The following THBS4 variants were observed in gnomAD, a reference collection of about 807,000 sequenced individuals.
THBS4 encodes the protein thrombospondin 4, also known as thrombospondin-4.
A neutral mutation model predicts 115.7 loss-of-function variants in THBS4; 90 were observed. The observed-to-expected ratio is 0.78, with a 90% CI of 0.66 to 0.93. The LOEUF (loss-of-function observed/expected upper bound fraction) is 0.93, where lower values mean the gene tolerates loss of function less well. Ranked by LOEUF, THBS4 falls within the 40% of genes least tolerant of loss-of-function variation. THBS4 has a pLI of 0.00. For synonymous variants in THBS4, 460 were observed against 479.3 expected (o/e 0.96, Z 0.53); for missense variants, 1,087 against 1,232.7 (o/e 0.88, Z 1.77).
chr5:80,054,244 C>A (rs990485700), intron 2 of THBS4, among the ~76,000 whole-genome samples: 1 of 149,934 alleles, frequency 6.7e-6, no homozygotes, highest in Non-Finnish European at 1.5e-5. Context: ...AGCCTCAATC[C>A]CCCAGGCTCA....
At chr5:80,023,239 T>TA (rs1832413146) in intron 2 of THBS4, among the ~76,000 whole-genome samples, 1 of 152,168 alleles carries the variant, frequency 6.6e-6, no homozygotes, top group Non-Finnish European at 1.5e-5. Context: ...TTGAACTCTA[T>TA]TTGTCTCATC....
At chr5:80,010,713 G>A (rs1441600451) in intron 2 of THBS4, among the ~76,000 whole-genome samples, 1 of 152,232 alleles carries the variant, frequency 6.6e-6, no homozygotes, top group African/African-American at 2.4e-5. Context: ...CTGGGAAGAT[G>A]GAAAAGTTAA....
chr5:80,082,981 T>TG, intron 21 of THBS4, 99 bp from the exon 22 acceptor site: 1 of 1,063,722 alleles, frequency 9.4e-7, no homozygotes, highest in Non-Finnish European at 1.4e-6. Flanking sequence ...CTGGGCGGGC[T>TG]AACAGCGCCC....
rs184138255 is a variant in THBS4, at chr5:80,066,019, C to T, written c.1194+542C>T. 5.0e-3 allele frequency among the ~76,000 whole-genome samples: 748 copies of T among 149,982 alleles called. 8 individuals carry two copies. The highest frequency in any genetic ancestry group is 0.018 in the African/African-American group (715 of 40,648). ...CTGAAGCAGGAGAATGACATGAACC[C>T]GGCAGGCGGAGCTTGCAGTGAGCCG... On this transcript the variant is annotated intron_variant, in intron 9 of 21. Transcript: ENST00000350881.
At chr5:80,081,639 A>G (rs1743511296) in intron 20 of THBS4, among the ~76,000 whole-genome samples, 1 of 152,186 alleles carries the variant, frequency 6.6e-6, no homozygotes, top group African/African-American at 2.4e-5. Flanking sequence ...TAGAATGTTA[A>G]TTTTCAAACA....
chr5:80,008,979 A>G (rs1158822073), intron 2 of THBS4, among the ~76,000 whole-genome samples: 2 of 152,248 alleles, frequency 1.3e-5, no homozygotes, highest in African/African-American at 4.8e-5. Context: ...TTATTTTAAA[A>G]TATCATGGGA....
chr5:80,001,741 C>T (rs186208406), intron 2 of THBS4, among the ~76,000 whole-genome samples: 1 of 152,130 alleles, frequency 6.6e-6, no homozygotes, highest in East Asian at 1.9e-4. Flanking sequence ...GTAAAGTGAG[C>T]GGTAGATAAT....
Position 80,036,106 on chromosome 5 carries a change from C to T in THBS4, c.88+481C>T, listed in dbSNP as rs372206815. The T allele has an allele frequency of 2.5e-5, 25 of 986,586 alleles. No homozygotes were observed. The East Asian group carries it at 1.1e-3, about 45-fold the overall frequency. The allele number at this position is 986,586 out of a possible 1,614,324, so 61.1% of individuals were successfully genotyped here. ...CTACTTGCCCTGCCACCTGCATTTT[C>T]TGCTCTGACTTTGCTTGAACGACAA... is the stretch of plus-strand genomic sequence containing the variant. On this transcript the variant is annotated intron_variant, in intron 1 of 21. Coordinates refer to ENST00000350881, the MANE Select transcript of THBS4 (RefSeq NM_003248.6).
intron 2 of THBS4, chr5:80,052,891 A>G (rs2112075092): frequency 6.6e-6 from 1 of 152,374 alleles, no homozygotes; most frequent in South Asian, 2.1e-4. Flanking sequence ...TACACTCTAC[A>G]GAAAAGGTAC....
rs750750542 is a variant in THBS4 at position 80,059,652 on chromosome 5, T to C, written c.785-51T>C. ...GGAAACCAAATTTTGTTTTGCCTTCTGTATATCTTCCTGGCGGTGAATACG... is the reference window on the plus strand; with the variant it reads ...GGAAACCAAATTTTGTTTTGCCTTCCGTATATCTTCCTGGCGGTGAATACG... On this transcript the variant is annotated intron_variant, in intron 6 of 21. Coordinates refer to ENST00000350881, the MANE Select transcript of THBS4 (RefSeq NM_003248.6). 5 of 1,606,246 alleles carry C rather than the reference T, an allele frequency of 3.1e-6. No homozygotes were observed. In the South Asian group the frequency reaches 4.4e-5, roughly 14 times the overall value.
intron 10 of THBS4, 128 bp from the exon 11 acceptor site, chr5:80,070,178 C>T: frequency 1.5e-6 from 1 of 672,630 alleles, no homozygotes; most frequent in Non-Finnish European, 2.5e-6. Context: ...CTAAGCCCCA[C>T]CCAACAAGGC....
chr5:79,997,035 T>G (rs561006603), intron 1 of THBS4, among the ~76,000 whole-genome samples: 79 of 152,002 alleles, frequency 5.2e-4, no homozygotes, highest in East Asian at 7.7e-4. Context: ...AAATAGTTTT[T>G]TTTTTTTTTT....
At chr5:80,054,404 T>G (rs1315839519) in intron 2 of THBS4, among the ~76,000 whole-genome samples, 2 of 144,598 alleles carry the variant, frequency 1.4e-5, no homozygotes, top group African/African-American at 5.1e-5. Context: ...CACTGCAACC[T>G]CCACCTCCCA....
At chr5:79,996,991 A>G (rs930622818) in intron 1 of THBS4, among the ~76,000 whole-genome samples, 3 of 152,004 alleles carry the variant, frequency 2.0e-5, no homozygotes, top group Admixed American at 1.3e-4. Context: ...AGAGAACTAT[A>G]CAAGTGATAT....
chr5:80,002,645 T>A (rs1580901768), intron 2 of THBS4, among the ~76,000 whole-genome samples: 1 of 151,278 alleles, frequency 6.6e-6, no homozygotes, highest in Non-Finnish European at 1.5e-5. Flanking sequence ...GCATTTCATA[T>A]TCAAGAAGAA....
At chr5:80,061,505 T>G (rs1397405478) in intron 7 of THBS4, among the ~76,000 whole-genome samples, 190 bp from the exon 8 acceptor site, 1 of 152,172 alleles carries the variant, frequency 6.6e-6, no homozygotes, top group East Asian at 1.9e-4. Context: ...CAAAGCCTAC[T>G]AAAAAGCAAC....
At chr5:80,073,238 G>A in intron 14 of THBS4, 37 bp from the exon 15 acceptor site, 3 of 1,606,956 alleles carry the variant, frequency 1.9e-6, no homozygotes, top group Non-Finnish European at 1.7e-6. Flanking sequence ...GTACATGCAG[G>A]CCCAGGAATA....
At chr5:80,031,075 G>C (rs9293798), upstream of THBS4, among the ~76,000 whole-genome samples, 24,112 of 152,186 alleles carry the variant, frequency 0.16, 2,352 homozygotes, top group Middle Eastern at 0.25. Context: ...AATCAATAAT[G>C]CCATCACACA....
chr5:80,074,484 A>G (rs1743090842), intron 15 of THBS4: 1 of 152,284 alleles, frequency 6.6e-6, no homozygotes, highest in African/African-American at 2.4e-5. Context: ...CAAGGATGAG[A>G]GGGAAAGGAT....
Sources: gnomAD v4.1 joint callset for allele counts (sites outside exome capture counted in the v4.1 genomes callset) on GRCh38, gnomAD v4.1.1 for gene constraint, MANE v1.5 for transcripts, NCBI Gene and HGNC (gene_info 2026-07-23, HGNC 2026-07-21) for gene names.